The following MYRIP variants were observed in gnomAD, a reference collection of about 807,000 sequenced individuals.
MYRIP encodes the protein rab effector MyRIP.
In MYRIP, 49 loss-of-function variants were observed where a neutral mutation model predicts 98.0. The observed-to-expected ratio is 0.50, with a 90% CI of 0.40 to 0.63. The LOEUF is 0.63. MYRIP is among the 30% of genes least tolerant of loss of function. MYRIP has a pLI of 0.00. For synonymous variants in MYRIP, 404 were observed against 409.5 expected (o/e 0.99, Z 0.16); for missense variants, 1,004 against 1,058.2 (o/e 0.95, Z 0.71).
intron 1 of MYRIP, among the ~76,000 whole-genome samples, chr3:39,824,465 T>C (rs904781028): frequency 1.3e-5 from 2 of 152,212 alleles, no homozygotes; most frequent in African/African-American, 2.4e-5. Context: ...ATTTTAATTA[T>C]ATTCATTATT....
chr3:40,114,407 GC>G (rs931957662), intron 3 of MYRIP, among the ~76,000 whole-genome samples: 2 of 152,168 alleles, frequency 1.3e-5, no homozygotes, highest in African/African-American at 4.8e-5. Flanking sequence ...TGACAAAATT[GC>G]CTAACAATAC....
chr3:39,841,902 GGGAGGTGTCTCCCAGTCA>G (rs1941811583), intron 1 of MYRIP, among the ~76,000 whole-genome samples: 1 of 152,298 alleles, frequency 6.6e-6, no homozygotes, highest in Admixed American at 6.5e-5. Flanking sequence ...AACCCCTGCT[GGGAGGTGTCTCCCAGTCA>G]GGAGGCACGG....
chr3:39,855,254 T>A (rs1470462487), intron 1 of MYRIP, among the ~76,000 whole-genome samples: 1 of 152,166 alleles, frequency 6.6e-6, no homozygotes, highest in Non-Finnish European at 1.5e-5. Context: ...TGTAATGGCC[T>A]AAGTTGGTTA....
At chr3:40,022,271 C>A (rs1381203325) in intron 2 of MYRIP, among the ~76,000 whole-genome samples, 3 of 152,140 alleles carry the variant, frequency 2.0e-5, no homozygotes, top group Non-Finnish European at 4.4e-5. Flanking sequence ...CTATCAAAGG[C>A]ACATAAGGAA....
intron 3 of MYRIP, among the ~76,000 whole-genome samples, chr3:40,074,215 C>T (rs1948292267): frequency 6.6e-6 from 1 of 151,978 alleles, no homozygotes; most frequent in South Asian, 2.1e-4. Context: ...GGTGGGACTA[C>T]AGGTGCCCAC....
At chr3:40,157,363 T>C (rs1379970656) in intron 4 of MYRIP, among the ~76,000 whole-genome samples, 2 of 130,874 alleles carry the variant, frequency 1.5e-5, no homozygotes, top group African/African-American at 5.9e-5. Context: ...TCATGGTGGA[T>C]AAGCTTTTTG....
At chr3:40,173,970 A>C (rs922384189) in intron 8 of MYRIP, 1 of 152,214 alleles carries the variant, frequency 6.6e-6, no homozygotes. Context: ...AGATTTTTAT[A>C]TAAAAATAGG....
At chr3:40,220,173 G>A (rs1290933435) in intron 11 of MYRIP, among the ~76,000 whole-genome samples, 7 of 151,166 alleles carry the variant, frequency 4.6e-5, no homozygotes, top group South Asian at 2.1e-4. Context: ...CCCACTTTTT[G>A]ATGGGGTTGT....
intron 2 of MYRIP, among the ~76,000 whole-genome samples, chr3:39,947,054 G>A (rs941961425): frequency 6.6e-6 from 1 of 152,122 alleles, no homozygotes; most frequent in African/African-American, 2.4e-5. Context: ...ATATTATATG[G>A]TTAAGATAGC....
At chr3:39,995,525 A>T (rs993591621) in intron 2 of MYRIP, among the ~76,000 whole-genome samples, 2 of 152,224 alleles carry the variant, frequency 1.3e-5, no homozygotes, top group South Asian at 4.1e-4. Flanking sequence ...TCCAAGAAAT[A>T]TGGGACTATG....
chr3:39,905,942 G>A (rs1483321243), intron 2 of MYRIP, among the ~76,000 whole-genome samples: 1 of 152,054 alleles, frequency 6.6e-6, no homozygotes, highest in Non-Finnish European at 1.5e-5. Flanking sequence ...CTGTCATCTG[G>A]AATCTAAATT....
At chr3:40,020,766 T>C (rs963788657) in intron 2 of MYRIP, among the ~76,000 whole-genome samples, 1 of 152,218 alleles carries the variant, frequency 6.6e-6, no homozygotes, top group African/African-American at 2.4e-5. Flanking sequence ...TAATTTATAA[T>C]TTTGATATTT....
intron 13 of MYRIP, among the ~76,000 whole-genome samples, chr3:40,248,751 C>G (rs1431157315): frequency 6.6e-6 from 1 of 152,184 alleles, no homozygotes; most frequent in South Asian, 2.1e-4. Flanking sequence ...CTGGTAAAAG[C>G]TTAGCCTGCA....
intron 4 of MYRIP, among the ~76,000 whole-genome samples, chr3:40,156,002 T>A (rs1437744153): frequency 6.6e-6 from 1 of 152,180 alleles, no homozygotes; most frequent in African/African-American, 2.4e-5. Flanking sequence ...TTTAATTATA[T>A]CCCATTTGTC....
At chr3:39,879,939 C>A (rs1333055125) in intron 1 of MYRIP, among the ~76,000 whole-genome samples, 1 of 152,200 alleles carries the variant, frequency 6.6e-6, no homozygotes, top group African/African-American at 2.4e-5. Flanking sequence ...GAACTTCATT[C>A]TCTGATACTT....
intron 2 of MYRIP, among the ~76,000 whole-genome samples, chr3:39,940,727 A>G (rs541637525): frequency 1.3e-5 from 2 of 152,208 alleles, no homozygotes; most frequent in Admixed American, 6.5e-5. Context: ...TAAAGCAAAC[A>G]ATAGACTAAA....
chr3:40,162,007 A>G (rs752148158), intron 4 of MYRIP, among the ~76,000 whole-genome samples: 8 of 151,998 alleles, frequency 5.3e-5, no homozygotes, highest in Non-Finnish European at 1.0e-4. Context: ...CCTCTCATTT[A>G]GGCCTTCAGA....
At chr3:39,828,328 C>A (rs1941335237) in intron 1 of MYRIP, among the ~76,000 whole-genome samples, 1 of 151,926 alleles carries the variant, frequency 6.6e-6, no homozygotes, top group African/African-American at 2.4e-5. Flanking sequence ...TTTTAAAAAA[C>A]TTATCTTTAA....
intron 4 of MYRIP, among the ~76,000 whole-genome samples, chr3:40,156,117 T>C (rs1445133938): frequency 6.6e-6 from 1 of 151,980 alleles, no homozygotes; most frequent in Non-Finnish European, 1.5e-5. Context: ...AGGGTTTTTA[T>C]GGTTTTAGGT....
Sources: gnomAD v4.1 joint callset for allele counts (sites outside exome capture counted in the v4.1 genomes callset) on GRCh38, gnomAD v4.1.1 for gene constraint, MANE v1.5 for transcripts, NCBI Gene and HGNC (gene_info 2026-07-23, HGNC 2026-07-21) for gene names.